PODXL2: variants seen among roughly 807,000 people sequenced by gnomAD.
The protein encoded by PODXL2 is podocalyxin-like protein 2.
In PODXL2, 17 loss-of-function variants were observed where a neutral mutation model predicts 53.4. That is an observed-to-expected ratio of 0.32 (90% CI 0.22 to 0.48). PODXL2 has a LOEUF of 0.48. Ranked by LOEUF, PODXL2 falls within the 20% of genes least tolerant of loss-of-function variation. The pLI is 0.99. For synonymous variants in PODXL2, 311 were observed against 306.7 expected (o/e 1.01, Z -0.15); for missense variants, 673 against 760.0 (o/e 0.89, Z 1.35).
chr3:127,646,448 A>AAC (rs2074657423), intron 2 of PODXL2, among the ~76,000 whole-genome samples: 1 of 151,588 alleles, frequency 6.6e-6, no homozygotes, highest in Admixed American at 6.6e-5. Context: ...ACAATGGTGC[A>AAC]ACAGTCTTGG....
At chr3:127,647,497 G>A (rs2074663459) in intron 2 of PODXL2, among the ~76,000 whole-genome samples, 1 of 152,188 alleles carries the variant, frequency 6.6e-6, no homozygotes, top group Non-Finnish European at 1.5e-5. Context: ...AATCTTTGGG[G>A]TTGGCAAGTC....
In PODXL2 at chr3:127,629,798, G is replaced by A. The variant is rs1007123091; in HGVS notation, c.70+509G>A. 2.6e-5 allele frequency among the ~76,000 whole-genome samples: 4 copies of A among 152,210 alleles called. No individual in the cohort carries two copies. Among genetic ancestry groups the A allele is most frequent in the African/African-American group, 9.6e-5 (4 of 41,456 alleles). On this transcript the variant is annotated intron_variant, in intron 1 of 7. Coordinates refer to ENST00000342480, the MANE Select transcript of PODXL2 (RefSeq NM_015720.4). This position sits in a 1 kb window ranked among gnomAD's most constrained non-coding sequence, Gnocchi z 6.4. ...GTGGCTGTTTACGCGTGGCGTTGCC[G>A]GGAGGGAGTGTGAGTGTGTCACGGT...
Position 127,629,958 on chromosome 3 carries a change from A to G in PODXL2, c.70+669A>G, listed in dbSNP as rs2074532386. ...CACACACGAGGGAGGTGTGAGACTC[A>G]GATGTGTGGTTTCCATTCAGCAGCC... On this transcript the variant is annotated intron_variant, in intron 1 of 7. Transcript: ENST00000342480. The surrounding 1 kb of genome is among the most constrained non-coding windows in gnomAD (Gnocchi z 6.4). 1.3e-5 allele frequency among the ~76,000 whole-genome samples: 2 copies of G among 151,982 alleles called. No individual in the cohort carries two copies. Among genetic ancestry groups the G allele is most frequent in the African/African-American group, 4.8e-5 (2 of 41,370 alleles).
chr3:127,629,433 C>G lies in PODXL2; in HGVS notation c.70+144C>G, dbSNP rs2074527249. On this transcript the variant is annotated intron_variant, in intron 1 of 7. Transcript: ENST00000342480. This position sits in a 1 kb window ranked among gnomAD's most constrained non-coding sequence, Gnocchi z 6.4. ...TCCCGGCCGGGCCGCGGCGCCGCCC[C>G]GACACACGCGCACGAGGAGTGGGTG... 2 of 621,918 alleles carry G rather than the reference C, an allele frequency of 3.2e-6. No homozygotes were observed. The highest frequency in any genetic ancestry group is 6.3e-5 in the Admixed American group (1 of 15,814). 38.5% of individuals were successfully genotyped at this position (621,918 alleles called of 1,614,324 possible).
chr3:127,648,461 T>G (rs1260109633), intron 2 of PODXL2, among the ~76,000 whole-genome samples: 4 of 152,196 alleles, frequency 2.6e-5, no homozygotes, highest in African/African-American at 9.7e-5. Context: ...GCACTTTTAC[T>G]TAGACACCAA....
Position 127,629,314 on chromosome 3 carries a change from CG to C in PODXL2, c.70+28del. The stretch of plus-strand genomic sequence containing the variant: ...GGTGAGTGCGCTCCGGGCCCGAGCG[CG>C]GGAGGGCGGGCGGCGGCGTGGGCGC... On this transcript the variant is annotated intron_variant, in intron 1 of 7. Coordinates refer to ENST00000342480, the MANE Select transcript of PODXL2 (RefSeq NM_015720.4). The surrounding 1 kb of genome is among the most constrained non-coding windows in gnomAD (Gnocchi z 6.4). 2.0e-6 allele frequency: 2 copies of C among 1,015,066 alleles called. No homozygotes were observed. The highest frequency in any genetic ancestry group is 1.2e-6 in the Non-Finnish European group (1 of 849,720). 62.9% of individuals were successfully genotyped at this position (1,015,066 alleles called of 1,614,324 possible).
At chr3:127,636,276 C>T (rs1302577956) in intron 1 of PODXL2, among the ~76,000 whole-genome samples, 3 of 152,218 alleles carry the variant, frequency 2.0e-5, no homozygotes, top group Admixed American at 2.0e-4. Flanking sequence ...GTTTCTTTCC[C>T]ATCTACCTAG....
At position 127,641,768 on chromosome 3, in the gene PODXL2, G is replaced by A. The variant is rs566336323; in HGVS notation, c.349+2245G>A. Among the ~76,000 whole-genome samples the A allele has an allele frequency of 3.3e-5, 5 of 151,686 alleles. No homozygotes were observed. In the East Asian group the frequency reaches 7.9e-4, roughly 24 times the overall value. On this transcript the variant is annotated intron_variant, in intron 2 of 7. Transcript: ENST00000342480. ...TGACCTCAGGTGATGTGCCCACCTC[G>A]GCCTCCCAAAGTGCTGGGATTACAG...
At chr3:127,661,752 G>C (rs2074769079) in intron 3 of PODXL2, among the ~76,000 whole-genome samples, 1 of 151,902 alleles carries the variant, frequency 6.6e-6, no homozygotes, top group African/African-American at 2.4e-5. Flanking sequence ...TTAGACTTCT[G>C]CACTGATTCT....
At chr3:127,669,096 AC>A in intron 5 of PODXL2, 44 bp from the exon 6 acceptor site, 1 of 1,383,062 alleles carries the variant, frequency 7.2e-7, no homozygotes, top group South Asian at 1.2e-5. Flanking sequence ...AGGGGCACGC[AC>A]CTCAGCCATG....
intron 4 of PODXL2, among the ~76,000 whole-genome samples, chr3:127,664,696 G>A (rs1473641022): frequency 6.6e-6 from 1 of 151,934 alleles, no homozygotes; most frequent in Non-Finnish European, 1.5e-5. Context: ...GCCATCCTGA[G>A]AGAAGTGAGG....
chr3:127,632,936 T>C (rs1015260932), intron 1 of PODXL2, among the ~76,000 whole-genome samples: 3 of 152,220 alleles, frequency 2.0e-5, no homozygotes, highest in Non-Finnish European at 4.4e-5. Flanking sequence ...CAATTATAAT[T>C]GGATCACATC....
chr3:127,644,774 G>A (rs2074642921), intron 2 of PODXL2, among the ~76,000 whole-genome samples: 1 of 152,202 alleles, frequency 6.6e-6, no homozygotes, highest in Admixed American at 6.5e-5. Context: ...GCTGTGAGGT[G>A]GAGATACCAA....
chr3:127,662,172 C>A (rs1244307581), intron 3 of PODXL2, 65 bp from the exon 4 acceptor site: 2 of 1,411,050 alleles, frequency 1.4e-6, no homozygotes, highest in Admixed American at 1.7e-5. Context: ...CCGACCGGGG[C>A]TCTCTCCCCT....
At position 127,660,596 on chromosome 3, in the gene PODXL2, C is replaced by T. The variant is rs530017290; in HGVS notation, c.568C>T (p.Leu190Phe). 2 of 1,614,148 alleles carry T rather than the reference C, an allele frequency of 1.2e-6. No homozygotes were observed. Among genetic ancestry groups the T allele is most frequent in the Non-Finnish European group, 1.7e-6 (2 of 1,180,008 alleles). Residue 190 changes from leucine (L) to phenylalanine (F), a missense_variant, in exon 3 of 8, where the codon CTC becomes TTC. This residue lies in a region of PODXL2 where 588 missense variants were observed against 668.3 expected (regional missense o/e 0.88). Transcript: ENST00000342480. Reference sequence around the variant, plus strand: ...AGAGGAGGAGGAAGAGGAGGAGCTGCTCCCTGTGAATGGATCCCAAGAAGA... The same window carrying T: ...AGAGGAGGAGGAAGAGGAGGAGCTGTTCCCTGTGAATGGATCCCAAGAAGA... ...KQEEEEEEEL[L>F]PVNGSQEEAK...
At position 127,629,516 on chromosome 3, in the gene PODXL2, G is replaced by T. The variant is rs1332359034; in HGVS notation, c.70+227G>T. Among the ~76,000 whole-genome samples the T allele has an allele frequency of 2.0e-5, 3 of 151,422 alleles. No individual in the cohort carries two copies. Among genetic ancestry groups the T allele is most frequent in the Non-Finnish European group, 3.0e-5 (2 of 67,756 alleles). ...GGCGACCCCCGACAAAGGCGCGGCG[G>T]TGAAGCTGGGACACAGCACCGTGGC... is the stretch of plus-strand genomic sequence containing the variant. On this transcript the variant is annotated intron_variant, in intron 1 of 7. Transcript: ENST00000342480. This position sits in a 1 kb window ranked among gnomAD's most constrained non-coding sequence, Gnocchi z 6.4.
chr3:127,635,951 G>A (rs1466710162), intron 1 of PODXL2, among the ~76,000 whole-genome samples: 1 of 152,208 alleles, frequency 6.6e-6, no homozygotes, highest in Non-Finnish European at 1.5e-5. Flanking sequence ...ACACTGAGCT[G>A]ATCTGGCTCT....
chr3:127,633,472 T>G (rs923969970), intron 1 of PODXL2, among the ~76,000 whole-genome samples: 6 of 140,798 alleles, frequency 4.3e-5, no homozygotes, highest in Non-Finnish European at 6.2e-5. Flanking sequence ...ATTACAAATT[T>G]TGTGTGTGTG....
rs530043775 is a variant in PODXL2, at chr3:127,664,156, G to A, written c.1206+1845G>A. ...AATGACTACCTGTTCCCCAGTCCCG[G>A]CACCCACCATTCTCCTTGCACCCAC... On this transcript the variant is annotated intron_variant, in intron 4 of 7. Coordinates refer to ENST00000342480, the MANE Select transcript of PODXL2 (RefSeq NM_015720.4). Among the ~76,000 whole-genome samples the A allele has an allele frequency of 4.6e-5, 7 of 152,010 alleles. No individual in the cohort carries two copies. In the South Asian group the frequency reaches 1.5e-3, roughly 32 times the overall value.
Sources: gnomAD v4.1 joint callset for allele counts (sites outside exome capture counted in the v4.1 genomes callset) on GRCh38, gnomAD v4.1.1 for gene constraint, gnomAD v4.1.1 regional missense constraint, Gnocchi (gnomAD v3.1) non-coding constraint, MANE v1.5 for transcripts, NCBI Gene and HGNC (gene_info 2026-07-23, HGNC 2026-07-21) for gene names.